Variants in ELN observed in about 807,000 individuals in gnomAD.
The protein encoded by ELN is elastin.
ELN carries 65 observed loss-of-function variants against 105.8 expected under a neutral mutation model. The ratio of observed to expected loss-of-function variants is 0.61; its 90% confidence interval spans 0.50 to 0.75. The LOEUF is 0.75. Ranked by LOEUF, ELN falls within the 30% of genes least tolerant of loss-of-function variation. The pLI is 0.00. For synonymous variants in ELN, 368 were observed against 389.2 expected (o/e 0.95, Z 0.64); for missense variants, 882 against 969.4 (o/e 0.91, Z 1.20).
At chr7:74,062,611 T>C (rs1280589862) in intron 26 of ELN, among the ~76,000 whole-genome samples, 2 of 152,092 alleles carry the variant, frequency 1.3e-5, no homozygotes, top group African/African-American at 2.4e-5. Flanking sequence ...AATGCAGTGG[T>C]ACGATCTTGG....
At chr7:74,062,081 C>G (rs1239954260) in intron 26 of ELN, 1 of 152,436 alleles carries the variant, frequency 6.6e-6, no homozygotes, top group Admixed American at 6.5e-5. Flanking sequence ...GCAGCCCTGC[C>G]TGGCCAGACC....
chr7:74,063,332 TGCCGCAGCCAAA>T lies in ELN; in HGVS notation c.1884_1895del (p.Ala634_Ala637del). On this transcript the variant is annotated inframe_deletion, in exon 28 of 33. Transcript: ENST00000252034. This position sits in a 1 kb window ranked among gnomAD's most constrained non-coding sequence, Gnocchi z 4.1. ...CAGGAGCCGGACCCGCCGCCGCCGC[TGCCGCAGCCAAA>T]GCTGCTGCCAAAGCCGCCCAGTTTG... is the stretch of plus-strand genomic sequence containing the variant. The T allele has an allele frequency of 6.4e-7, 1 of 1,551,068 alleles. No homozygotes were observed. The highest frequency in any genetic ancestry group is 2.4e-5 in the East Asian group (1 of 41,314).
chr7:74,049,534 C>T (rs1010925059), intron 15 of ELN, among the ~76,000 whole-genome samples: 1 of 152,014 alleles, frequency 6.6e-6, no homozygotes, highest in African/African-American at 2.4e-5. Flanking sequence ...TTCCTCCATG[C>T]ATCCATCTAT....
At chr7:74,050,776 G>C (rs887237160) in intron 15 of ELN, among the ~76,000 whole-genome samples, 2 of 152,060 alleles carry the variant, frequency 1.3e-5, no homozygotes, top group Non-Finnish European at 2.9e-5. Context: ...GTCAAGAAAC[G>C]GGAGGCATTT....
At chr7:74,033,249 C>G (rs930681502) in intron 1 of ELN, among the ~76,000 whole-genome samples, 3 of 152,236 alleles carry the variant, frequency 2.0e-5, no homozygotes, top group Non-Finnish European at 4.4e-5. Context: ...TGCTCTTCCC[C>G]CCACCTCCAC....
At position 74,051,813 on chromosome 7, in the gene ELN, C is replaced by T; in HGVS notation, c.863C>T (p.Ala288Val). The change falls in exon 16 of 33, where the codon GCA (alanine) becomes GTA (valine). Residue 288 changes from alanine (A) to valine (V), a missense_variant. Transcript: ENST00000252034. Reference sequence around the variant, plus strand: ...GCTGGTGTTCCTGGCGTGCCTGGGGCAATTCCTGGAATTGGAGGCATCGCA... The same window carrying T: ...GCTGGTGTTCCTGGCGTGCCTGGGGTAATTCCTGGAATTGGAGGCATCGCA... ...GGAGVPGVPGAIPGIGGIAGV... is the reference protein window; with the variant it reads ...GGAGVPGVPGVIPGIGGIAGV... The T allele has an allele frequency of 6.2e-7, 1 of 1,614,228 alleles. No individual in the cohort carries two copies. The highest frequency in any genetic ancestry group is 1.3e-5 in the African/African-American group (1 of 75,076).
rs149812011 is a variant in ELN, at chr7:74,048,125, G to A, written c.686-17G>A. The A allele has an allele frequency of 1.8e-4, 283 of 1,614,054 alleles. 1 individual carries two copies. The East Asian group carries it at 6.2e-3, about 35-fold the overall frequency. ...TGATGTCTGCACAGATGACCATCAA[G>A]CCTCTCTGTTTTGCAGGCTATGGGC... is the stretch of plus-strand genomic sequence containing the variant. On this transcript the variant is annotated splice_polypyrimidine_tract_variant and intron_variant, in intron 13 of 32. Coordinates refer to ENST00000252034, the MANE Select transcript of ELN (RefSeq NM_000501.4).
chr7:74,038,568 G>A (rs551106987), intron 4 of ELN, among the ~76,000 whole-genome samples: 1 of 152,370 alleles, frequency 6.6e-6, no homozygotes, highest in East Asian at 1.9e-4. Context: ...AGGAAGGTGG[G>A]GCAGGTCCCT....
chr7:74,041,194 T>C (rs1554668203), intron 4 of ELN, 22 bp from the exon 5 acceptor site: 2 of 1,613,936 alleles, frequency 1.2e-6, no homozygotes, highest in Middle Eastern at 1.7e-4. Flanking sequence ...CCTACACTCC[T>C]GTCTCTGTTT....
chr7:74,034,279 C>T (rs1317776447), intron 1 of ELN, among the ~76,000 whole-genome samples: 1 of 152,048 alleles, frequency 6.6e-6, no homozygotes, highest in African/African-American at 2.4e-5. Flanking sequence ...CCTGCCCTTC[C>T]CAAAGCTCTG....
intron 13 of ELN, 142 bp from the exon 14 acceptor site, chr7:74,048,000 T>C: frequency 9.9e-7 from 1 of 1,013,792 alleles, no homozygotes; most frequent in Non-Finnish European, 1.5e-6. Flanking sequence ...TCCATACATG[T>C]GTTTGTATTT....
At chr7:74,058,119 A>C (rs1346392571) in intron 22 of ELN, among the ~76,000 whole-genome samples, 41 of 108,102 alleles carry the variant, frequency 3.8e-4, no homozygotes, top group Middle Eastern at 6.6e-3. Flanking sequence ...CCTCCTTCTC[A>C]TTCTTCTTCT....
chr7:74,043,713 C>A (rs781786863), intron 8 of ELN, 166 bp from the exon 9 acceptor site: 16 of 811,004 alleles, frequency 2.0e-5, no homozygotes, highest in Non-Finnish European at 2.9e-5. Flanking sequence ...ACTTCCGAAA[C>A]TCGTGGGAGG....
At chr7:74,061,053 G>C (rs1312735850) in intron 25 of ELN, 48 bp from the exon 26 acceptor site, 4 of 1,612,730 alleles carry the variant, frequency 2.5e-6, no homozygotes, top group Non-Finnish European at 3.4e-6. Context: ...GAACTCCCAG[G>C]CACAGAGCTC....
intron 29 of ELN, among the ~76,000 whole-genome samples, chr7:74,064,429 T>A (rs1332781765): frequency 0.039 from 5,264 of 135,842 alleles, 227 homozygotes; most frequent in African/African-American, 0.11. Context: ...AAAAAATATA[T>A]ATATATATAT....
chr7:74,043,691 A>C (rs1791788357), intron 8 of ELN, 188 bp from the exon 9 acceptor site: 1 of 715,238 alleles, frequency 1.4e-6, no homozygotes, highest in African/African-American at 1.7e-5. Context: ...CACACCGAAG[A>C]GTTTGCAGAT....
chr7:74,041,445 G>T (rs1791196838), intron 5 of ELN, among the ~76,000 whole-genome samples, 194 bp downstream of exon 5: 1 of 152,162 alleles, frequency 6.6e-6, no homozygotes, highest in Non-Finnish European at 1.5e-5. Flanking sequence ...CTGAGTACCT[G>T]GGTTCCTTTA....
chr7:74,044,434 T>C (rs1391760491), intron 9 of ELN, among the ~76,000 whole-genome samples: 1 of 152,062 alleles, frequency 6.6e-6, no homozygotes, highest in Non-Finnish European at 1.5e-5. Context: ...TCAACCAGCC[T>C]TCCTGCACCC....
intron 1 of ELN, among the ~76,000 whole-genome samples, chr7:74,033,319 C>T (rs1001741429): frequency 1.3e-5 from 2 of 152,040 alleles, no homozygotes; most frequent in African/African-American, 2.4e-5. Context: ...GAGAGAGGCA[C>T]GTGAAGAATG....
Sources: allele counts gnomAD v4.1 joint callset (sites outside exome capture counted in the v4.1 genomes callset), GRCh38; gene constraint gnomAD v4.1.1; non-coding constraint Gnocchi (gnomAD v3.1); transcripts MANE v1.5; gene names NCBI Gene and HGNC (gene_info 2026-07-23, HGNC 2026-07-21).